C16orf74: variants seen among roughly 807,000 people sequenced by gnomAD.
The protein encoded by C16orf74 is calcimembrin, also known as uncharacterized protein C16orf74.
A neutral mutation model predicts 6.5 loss-of-function variants in C16orf74; 10 were observed. The observed-to-expected ratio is 1.54, with a 90% CI of 0.95 to 2.61. C16orf74 has a LOEUF of 2.61. Ranked by LOEUF, C16orf74 falls within the 30% of genes most tolerant of loss-of-function variation. The pLI is 0.00. For missense variants in C16orf74, 141 were observed against 105.9 expected (o/e 1.33, Z -1.45); for synonymous variants, 60 against 42.5 (o/e 1.41, Z -1.60).
chr16:85,720,659 C>T (rs1223866276), intron 2 of C16orf74, among the ~76,000 whole-genome samples: 3 of 151,640 alleles, frequency 2.0e-5, no homozygotes, highest in Non-Finnish European at 1.5e-5. Flanking sequence ...ACCTGTAGTC[C>T]CAGCTACCTG....
chr16:85,712,588 C>T (rs554021500), intron 2 of C16orf74, among the ~76,000 whole-genome samples: 2 of 152,278 alleles, frequency 1.3e-5, no homozygotes, highest in East Asian at 3.9e-4. Context: ...ACCTAGAGGA[C>T]CTGGAGCCAT....
chr16:85,714,973 A>G (rs1027504017), intron 2 of C16orf74, among the ~76,000 whole-genome samples: 4 of 150,772 alleles, frequency 2.7e-5, no homozygotes, highest in South Asian at 2.1e-4. Context: ...TGGCTAACAC[A>G]ATGAAACCCC....
At chr16:85,750,517 T>G (rs4843679) in intron 1 of C16orf74, among the ~76,000 whole-genome samples, 107,228 of 152,084 alleles carry the variant, frequency 0.71, 38,496 homozygotes, top group East Asian at 0.92. Flanking sequence ...CTCGATAGAG[T>G]GGAAATGGTT....
chr16:85,711,952 G>C (rs1292099303), intron 2 of C16orf74, among the ~76,000 whole-genome samples: 1 of 152,170 alleles, frequency 6.6e-6, no homozygotes, highest in African/African-American at 2.4e-5. Context: ...AGTGTGGATG[G>C]ACTTAGTGAC....
chr16:85,722,282 C>G (rs929757608), intron 2 of C16orf74, among the ~76,000 whole-genome samples: 4 of 152,132 alleles, frequency 2.6e-5, no homozygotes, highest in South Asian at 2.1e-4. Context: ...ATAATTAGCA[C>G]CATTATTACT....
At chr16:85,722,457 G>A (rs777574168) in intron 2 of C16orf74, among the ~76,000 whole-genome samples, 1 of 152,192 alleles carries the variant, frequency 6.6e-6, no homozygotes, top group African/African-American at 2.4e-5. Context: ...ACTGAAGGCT[G>A]GGCTGGATTT....
intron 3 of C16orf74, among the ~76,000 whole-genome samples, chr16:85,708,439 G>A (rs993987130): frequency 3.9e-5 from 6 of 152,146 alleles, no homozygotes; most frequent in African/African-American, 1.4e-4. Context: ...AAGGACCTGC[G>A]CCTCTGTCCG....
intron 2 of C16orf74, among the ~76,000 whole-genome samples, chr16:85,723,347 G>A (rs2054101648): frequency 6.6e-6 from 1 of 150,696 alleles, no homozygotes; most frequent in Admixed American, 6.6e-5. Context: ...AGGACAACTT[G>A]AGGCCAGCCA....
chr16:85,748,939 TTTTTTTTTA>T (rs1260858969), intron 1 of C16orf74, among the ~76,000 whole-genome samples: 9 of 115,486 alleles, frequency 7.8e-5, no homozygotes, highest in Admixed American at 1.9e-4. Context: ...TTTTTTTTTT[TTTTTTTTTA>T]TTTTATTTTT....
At chr16:85,740,069 G>T (rs754197850) in intron 1 of C16orf74, among the ~76,000 whole-genome samples, 5 of 150,710 alleles carry the variant, frequency 3.3e-5, no homozygotes, top group Non-Finnish European at 7.4e-5. Context: ...AATTAGCCAG[G>T]CGTGGTGGCA....
intron 1 of C16orf74, among the ~76,000 whole-genome samples, chr16:85,748,941 TTTTTTTATTTTA>T (rs2054404938): frequency 1.5e-5 from 2 of 131,634 alleles, no homozygotes; most frequent in Non-Finnish European, 3.5e-5. Context: ...TTTTTTTTTT[TTTTTTTATTTTA>T]TTTTTTTTTA....
At position 85,748,130 on chromosome 16, in the gene C16orf74, A is replaced by G. The variant is rs553211738; in HGVS notation, c.-19+2796T>C. Among the ~76,000 whole-genome samples, 14 of 142,394 alleles carry G rather than the reference A, an allele frequency of 9.8e-5. No individual in the cohort carries two copies. The East Asian group carries it at 2.2e-3, about 22-fold the overall frequency. 93.4% of individuals were successfully genotyped at this position (142,394 alleles called of 152,430 possible). ...TACATATATATATATGTGTGTGTGT[A>G]TATATATATGTGTGTGTATATATAT... is the stretch of plus-strand genomic sequence containing the variant. On this transcript the variant is annotated intron_variant, in intron 1 of 3. Transcript: ENST00000284245.
chr16:85,744,937 T>C (rs966054841), intron 1 of C16orf74, among the ~76,000 whole-genome samples: 31 of 147,368 alleles, frequency 2.1e-4, no homozygotes, highest in African/African-American at 7.3e-4. Flanking sequence ...AGGTTGGGAG[T>C]TCAAGACCAG....
chr16:85,743,320 T>C (rs1219070270), intron 1 of C16orf74: 1 of 152,358 alleles, frequency 6.6e-6, no homozygotes, highest in East Asian at 1.9e-4. Context: ...TATCAGCTGA[T>C]AGATATCCAG....
chr16:85,744,529 A>T (rs533731298), intron 1 of C16orf74, among the ~76,000 whole-genome samples: 58 of 152,282 alleles, frequency 3.8e-4, no homozygotes, highest in African/African-American at 1.4e-3. Flanking sequence ...GCACCCAGGC[A>T]TAAAAATCTC....
chr16:85,734,957 C>T (rs1454430692), intron 2 of C16orf74, among the ~76,000 whole-genome samples: 1 of 152,198 alleles, frequency 6.6e-6, no homozygotes, highest in Non-Finnish European at 1.5e-5. Flanking sequence ...AACTGAGGCC[C>T]CAAGGCACTG....
intron 2 of C16orf74, among the ~76,000 whole-genome samples, chr16:85,724,667 T>C (rs775538563): frequency 6.6e-6 from 1 of 151,948 alleles, no homozygotes; most frequent in African/African-American, 2.4e-5. Flanking sequence ...ATGGGAATCA[T>C]GGGGATGACG....
intron 1 of C16orf74, among the ~76,000 whole-genome samples, 186 bp from the exon 2 acceptor site, chr16:85,735,421 G>A (rs2054233579): frequency 6.6e-6 from 1 of 152,222 alleles, no homozygotes; most frequent in African/African-American, 2.4e-5. Flanking sequence ...CAAAGATGGA[G>A]TCTGTGACGG....
chr16:85,720,724 T>C (rs185698811), intron 2 of C16orf74, among the ~76,000 whole-genome samples: 167 of 138,426 alleles, frequency 1.2e-3, no homozygotes, highest in Non-Finnish European at 2.1e-3. Flanking sequence ...TACAGTGAGC[T>C]GCAATCACAC....
Sources: gnomAD v4.1 joint callset for allele counts (sites outside exome capture counted in the v4.1 genomes callset) on GRCh38, gnomAD v4.1.1 for gene constraint, MANE v1.5 for transcripts, NCBI Gene and HGNC (gene_info 2026-07-23, HGNC 2026-07-21) for gene names.